EFHD1: variants seen among roughly 807,000 people sequenced by gnomAD.
The protein encoded by EFHD1 is EF-hand domain family member D1.
In EFHD1, 10 loss-of-function variants were observed where a neutral mutation model predicts 17.2. That is an observed-to-expected ratio of 0.58 (90% CI 0.36 to 0.99). The LOEUF is 0.99. EFHD1 is among the 50% of genes least tolerant of loss of function. The pLI is 0.01. For missense variants in EFHD1, 310 were observed against 327.5 expected (o/e 0.95, Z 0.41); for synonymous variants, 153 against 142.0 (o/e 1.08, Z -0.55).
chr2:232,607,135 G>C (rs1256292920), intron 1 of EFHD1, among the ~76,000 whole-genome samples: 1 of 151,844 alleles, frequency 6.6e-6, no homozygotes, highest in Non-Finnish European at 1.5e-5. Context: ...GGGACTACAG[G>C]TCCAGGCCAC....
chr2:232,653,559 G>A (rs1301607254), intron 1 of EFHD1, among the ~76,000 whole-genome samples: 1 of 152,184 alleles, frequency 6.6e-6, no homozygotes, highest in Non-Finnish European at 1.5e-5. Context: ...CAAAGTGCTG[G>A]GATTACGGGC....
At chr2:232,631,700 AAAAAAAC>A (rs1327299366), upstream of EFHD1, among the ~76,000 whole-genome samples, 2 of 140,462 alleles carry the variant, frequency 1.4e-5, no homozygotes, top group African/African-American at 3.1e-5. Flanking sequence ...TTAAAAAAAA[AAAAAAAC>A]AAAAACAAAA....
At chr2:232,650,593 G>A (rs1200370938) in intron 1 of EFHD1, among the ~76,000 whole-genome samples, 1 of 16,760 alleles carries the variant, frequency 6.0e-5, no homozygotes, top group African/African-American at 5.3e-4. Context: ...TTTTGAGACT[G>A]AGTTTCACTC....
intron 1 of EFHD1, chr2:232,662,597 G>T (rs868465688): frequency 1.9e-6 from 1 of 520,640 alleles, no homozygotes. Context: ...AAACCAACAG[G>T]TAGTACAAGA....
Position 232,681,696 on chromosome 2 carries a change from C to T in EFHD1, c.697C>T (p.Leu233Phe), listed in dbSNP as rs764941759. Residue 233 changes from leucine (L) to phenylalanine (F), a missense_variant, in exon 4 of 4, where the codon CTC becomes TTC. Coordinates refer to ENST00000264059, the MANE Select transcript of EFHD1 (RefSeq NM_025202.4). ...RRLRQAAFQK[L>F]KANFNT ...GCTCCGCCAGGCAGCCTTCCAGAAA[C>T]TCAAGGCCAACTTCAATACATAGTC... The T allele has an allele frequency of 5.0e-6, 8 of 1,614,222 alleles. No homozygotes were observed. The highest frequency in any genetic ancestry group is 5.9e-6 in the Non-Finnish European group (7 of 1,180,022).
At chr2:232,656,066 A>T (rs1033481503) in intron 1 of EFHD1, among the ~76,000 whole-genome samples, 4 of 151,442 alleles carry the variant, frequency 2.6e-5, no homozygotes, top group Non-Finnish European at 5.9e-5. Flanking sequence ...TCGGCCTCCC[A>T]AAGTGCTGGG....
intron 1 of EFHD1, among the ~76,000 whole-genome samples, chr2:232,645,199 A>G (rs1224148938): frequency 6.6e-6 from 1 of 152,106 alleles, no homozygotes; most frequent in Non-Finnish European, 1.5e-5. Context: ...CAGTGGCAGC[A>G]TCCTTCCAGG....
intron 2 of EFHD1, among the ~76,000 whole-genome samples, chr2:232,664,914 AT>A (rs1694943475): frequency 1.3e-5 from 2 of 151,468 alleles, no homozygotes; most frequent in Admixed American, 1.3e-4. Context: ...CGCCCGGCCT[AT>A]TTTTTAATTT....
chr2:232,677,940 T>A (rs1011296312), intron 3 of EFHD1, among the ~76,000 whole-genome samples: 2 of 152,176 alleles, frequency 1.3e-5, no homozygotes, highest in African/African-American at 4.8e-5. Context: ...AAAAGAATTA[T>A]ATCAATTAGA....
intron 3 of EFHD1, among the ~76,000 whole-genome samples, chr2:232,678,782 T>TCAAA (rs570381352): frequency 2.6e-5 from 4 of 152,066 alleles, no homozygotes; most frequent in South Asian, 4.1e-4. Flanking sequence ...AAACTCTGCT[T>TCAAA]CAAACAAACA....
chr2:232,625,826 A>C (rs1237090790), intron 1 of EFHD1, among the ~76,000 whole-genome samples: 1 of 152,192 alleles, frequency 6.6e-6, no homozygotes, highest in African/African-American at 2.4e-5. Flanking sequence ...GTGGCATCAA[A>C]CTATACCAGG....
At chr2:232,646,436 C>CTTTTT (rs71398729) in intron 1 of EFHD1, among the ~76,000 whole-genome samples, 112 of 67,184 alleles carry the variant, frequency 1.7e-3, no homozygotes, top group South Asian at 3.0e-3. Context: ...CTCTTCTCTT[C>CTTTTT]TTTTTTTTTT....
intron 3 of EFHD1, 54 bp downstream of exon 3, chr2:232,672,497 C>T (rs1695096024): frequency 6.5e-7 from 1 of 1,535,690 alleles, no homozygotes; most frequent in Non-Finnish European, 8.7e-7. Flanking sequence ...TTCACGCTGC[C>T]CACCAGACTG....
chr2:232,654,416 C>CTTTTTTTTTTTTTTTTTTT (rs539954632), intron 1 of EFHD1, among the ~76,000 whole-genome samples: 5 of 94,592 alleles, frequency 5.3e-5, no homozygotes, highest in East Asian at 2.7e-4. Context: ...TTCTTTCTTT[C>CTTTTTTTTTTTTTTTTTTT]TTTTTTTTTT....
In EFHD1 at chr2:232,639,579, A is replaced by G. The variant is rs530306103; in HGVS notation, c.302+5573A>G. On this transcript the variant is annotated intron_variant, in intron 1 of 3. Coordinates refer to ENST00000264059, the MANE Select transcript of EFHD1 (RefSeq NM_025202.4). Reference sequence around the variant, plus strand: ...CCCTGTGGTACCCCCTGGACCAACTAGTATATAGGAATACTTCTTCCATTG... The same window carrying G: ...CCCTGTGGTACCCCCTGGACCAACTGGTATATAGGAATACTTCTTCCATTG... Among the ~76,000 whole-genome samples the G allele has an allele frequency of 2.0e-5, 3 of 152,242 alleles. No individual in the cohort carries two copies. The South Asian group carries it at 6.2e-4, about 32-fold the overall frequency.
intron 1 of EFHD1, among the ~76,000 whole-genome samples, chr2:232,647,370 G>C (rs1246052249): frequency 1.3e-5 from 2 of 152,368 alleles, no homozygotes; most frequent in South Asian, 4.1e-4. Flanking sequence ...CTTGCGTTGG[G>C]CTGGCTGCCC....
chr2:232,635,789 A>T (rs1243177024), intron 1 of EFHD1, among the ~76,000 whole-genome samples: 2 of 152,030 alleles, frequency 1.3e-5, no homozygotes, highest in African/African-American at 2.4e-5. Flanking sequence ...ATTGCACTCC[A>T]GCCAGGGTGA....
chr2:232,615,287 C>T (rs534212600), intron 1 of EFHD1, among the ~76,000 whole-genome samples: 1 of 150,380 alleles, frequency 6.6e-6, no homozygotes, highest in Non-Finnish European at 1.5e-5. Context: ...TCCTTAACCC[C>T]CTGCATTGTT....
intron 1 of EFHD1, among the ~76,000 whole-genome samples, chr2:232,639,591 T>C (rs2106196920): frequency 6.6e-6 from 1 of 152,306 alleles, no homozygotes; most frequent in South Asian, 2.1e-4. Context: ...TATATAGGAA[T>C]ACTTCTTCCA....
Sources: gnomAD v4.1 joint callset for allele counts (sites outside exome capture counted in the v4.1 genomes callset) on GRCh38, gnomAD v4.1.1 for gene constraint, MANE v1.5 for transcripts, NCBI Gene and HGNC (gene_info 2026-07-23, HGNC 2026-07-21) for gene names.